Variants in C2CD2L observed in about 807,000 individuals in gnomAD.
C2CD2L encodes phospholipid transfer protein C2CD2L.
C2CD2L carries 24 observed loss-of-function variants against 69.9 expected under a neutral mutation model. The observed-to-expected ratio is 0.34, with a 90% confidence interval of 0.25 to 0.48. C2CD2L has a LOEUF of 0.48. C2CD2L is among the 20% of genes least tolerant of loss of function. The probability of loss-of-function intolerance (pLI) is 0.99; values close to 1 mark genes in which losing one functional copy is unlikely to be tolerated. For synonymous variants in C2CD2L, 367 were observed against 391.0 expected (o/e 0.94, Z 0.72); for missense variants, 811 against 941.5 (o/e 0.86, Z 1.81).
At chr11:119,112,146 A>T (rs1946759482) in intron 7 of C2CD2L, 182 bp from the exon 8 acceptor site, 3 of 601,060 alleles carry the variant, frequency 5.0e-6, no homozygotes. Flanking sequence ...CATGGTTTCC[A>T]CTCAGGCCCT....
Position 119,111,527 on chromosome 11 carries a change from A to C in C2CD2L, c.917A>C (p.Glu306Ala), listed in dbSNP as rs779183220. The C allele has an allele frequency of 1.9e-6, 3 of 1,613,986 alleles. No individual in the cohort carries two copies. Among genetic ancestry groups the C allele is most frequent in the Non-Finnish European group, 2.5e-6 (3 of 1,179,846 alleles). Residue 306 changes from glutamate to alanine, a missense_variant, in exon 7 of 14, where the codon GAG becomes GCG. Transcript: ENST00000648610. ...AACTTCTGGTTCATCACAGGCACCG[A>C]GGAACTGTGCTGTGTAGCTGAACTC... ...SHLGNELEGT[E>A]ELCCVAELDN...
At position 119,111,042 on chromosome 11, in the gene C2CD2L, C is replaced by T. The variant is rs1369825863; in HGVS notation, c.682-10C>T. The T allele has an allele frequency of 6.2e-7, 1 of 1,613,648 alleles. No individual in the cohort carries two copies. The highest frequency in any genetic ancestry group is 1.3e-5 in the African/African-American group (1 of 74,884). Reference sequence around the variant, plus strand: ...TCCACCTCCTTGTTGTTCCCTTCTTCTCTCTGCAGAGAGGTGAAGAACAAG... The same window carrying T: ...TCCACCTCCTTGTTGTTCCCTTCTTTTCTCTGCAGAGAGGTGAAGAACAAG... On this transcript the variant is annotated splice_polypyrimidine_tract_variant and intron_variant, in intron 4 of 13. Transcript: ENST00000648610.
At chr11:119,108,116 G>A (rs767027694) in intron 1 of C2CD2L, 21 bp downstream of exon 1, 2 of 1,532,418 alleles carry the variant, frequency 1.3e-6, no homozygotes, top group Non-Finnish European at 8.9e-7. Flanking sequence ...CCAAGCGCTT[G>A]GGTGGTCCCT....
chr11:119,108,349 G>C, intron 1 of C2CD2L: 1 of 446,876 alleles, frequency 2.2e-6, no homozygotes, highest in Non-Finnish European at 3.9e-6. Context: ...TGTTCTCATA[G>C]CAACGCTAAT....
chr11:119,108,107 C>A lies in C2CD2L; in HGVS notation c.354+12C>A. On this transcript the variant is annotated intron_variant, in intron 1 of 13. Transcript: ENST00000648610. The stretch of plus-strand genomic sequence containing the variant: ...CCTGCAGAAACGGGGTGAGTTGGAC[C>A]AAGCGCTTGGGTGGTCCCTTCAGCC... 1 of 1,564,590 alleles carries A rather than the reference C, an allele frequency of 6.4e-7. No homozygotes were observed. The highest frequency in any genetic ancestry group is 8.7e-7 in the Non-Finnish European group (1 of 1,150,034).
Position 119,114,018 on chromosome 11 carries a change from A to T in C2CD2L, c.1623+30A>T. 6.2e-7 allele frequency: 1 copy of T among 1,613,396 alleles called. No homozygotes were observed. The highest frequency in any genetic ancestry group is 8.5e-7 in the Non-Finnish European group (1 of 1,179,408). On this transcript the variant is annotated intron_variant, in intron 12 of 13. Coordinates refer to ENST00000648610, the MANE Select transcript of C2CD2L (RefSeq NM_001290474.2). The surrounding 1 kb of genome is among the most constrained non-coding windows in gnomAD (Gnocchi z 5.1). ...CAGGGCTCTGGGGAGAGGAGCTGGGATGGGGAGAAAGCCCTAATGGGTCGG... is the reference window on the plus strand; with the variant it reads ...CAGGGCTCTGGGGAGAGGAGCTGGGTTGGGGAGAAAGCCCTAATGGGTCGG...
Position 119,118,535 on chromosome 11 carries a change from TTGG to T in C2CD2L, c.*2280_*2282del, listed in dbSNP as rs1946944861. The T allele has an allele frequency of 6.6e-6, 1 of 152,418 alleles. No homozygotes were observed. The highest frequency in any genetic ancestry group is 1.5e-5 in the Non-Finnish European group (1 of 68,048). The allele number at this position is 152,418 out of a possible 1,614,324, so 9.4% of individuals were successfully genotyped here. On this transcript the variant is annotated 3_prime_UTR_variant, in exon 14 of 14. Transcript: ENST00000648610. ...TGGAATTTAATTTATTAAAGTCAAG[TTGG>T]AGTTTATAAACTGCATTTTCTTTAT...
intron 13 of C2CD2L, 38 bp from the exon 14 acceptor site, chr11:119,116,007 T>G: frequency 2.5e-6 from 4 of 1,572,716 alleles, no homozygotes; most frequent in Non-Finnish European, 2.6e-6. Context: ...CCCCACCCCG[T>G]GCCCCTCTCT....
At position 119,118,458 on chromosome 11, in the gene C2CD2L, G is replaced by GT. The variant is rs145912730; in HGVS notation, c.*2203dup. 6.5e-3 allele frequency: 980 copies of GT among 151,758 alleles called. 12 individuals carry two copies. The highest frequency in any genetic ancestry group is 0.022 in the African/African-American group (915 of 41,418). The allele number at this position is 151,758 out of a possible 1,614,324, so 9.4% of individuals were successfully genotyped here. On this transcript the variant is annotated 3_prime_UTR_variant, in exon 14 of 14. Coordinates refer to ENST00000648610, the MANE Select transcript of C2CD2L (RefSeq NM_001290474.2). ...TTTTATGGCTGAGTAGTATTCCACT[G>GT]TGTGTGTGTGTGTTGGGCGATGATA...
rs1946715750 is a variant in C2CD2L at position 119,110,719 on chromosome 11, G to A, written c.570+39G>A. 6.2e-7 allele frequency: 1 copy of A among 1,612,054 alleles called. No individual in the cohort carries two copies. Among genetic ancestry groups the A allele is most frequent in the Non-Finnish European group, 8.5e-7 (1 of 1,178,556 alleles). ...TGGGAAACTGAGTTGGGCAGGGGCG[G>A]TTCCATTGGCTCAGCTTCTTCCATT... On this transcript the variant is annotated intron_variant, in intron 3 of 13. Coordinates refer to ENST00000648610, the MANE Select transcript of C2CD2L (RefSeq NM_001290474.2). The surrounding 1 kb of genome is among the most constrained non-coding windows in gnomAD (Gnocchi z 5.7).
At chr11:119,115,747 T>A in intron 13 of C2CD2L, 2 of 484,606 alleles carry the variant, frequency 4.1e-6, no homozygotes, top group Non-Finnish European at 7.3e-6. Context: ...GCCAGCTCCG[T>A]GATATCTCTT....
chr11:119,106,055 G>A (rs1373026006), upstream of C2CD2L, among the ~76,000 whole-genome samples: 2 of 152,212 alleles, frequency 1.3e-5, no homozygotes, highest in Non-Finnish European at 2.9e-5. Flanking sequence ...TGGCAGTCCA[G>A]TGACAATGCA....
intron 10 of C2CD2L, 185 bp from the exon 11 acceptor site, chr11:119,113,426 A>G (rs1433799512): frequency 1.2e-6 from 1 of 809,418 alleles, no homozygotes; most frequent in Non-Finnish European, 1.9e-6. Flanking sequence ...ACTTTCCTAC[A>G]CTCCCATTAG....
chr11:119,115,623 G>T (rs1216907601), intron 13 of C2CD2L: 4 of 247,510 alleles, frequency 1.6e-5, no homozygotes, highest in Non-Finnish European at 2.3e-5. Flanking sequence ...CGGTTAACAA[G>T]TCAGTGTCAA....
chr11:119,116,018 G>T, intron 13 of C2CD2L, 27 bp from the exon 14 acceptor site: 1 of 1,603,292 alleles, frequency 6.2e-7, no homozygotes, highest in Non-Finnish European at 8.5e-7. Flanking sequence ...GCCCCTCTCT[G>T]CCTCAGCTTC....
rs1433354117 is a variant in C2CD2L, at chr11:119,110,539, T to C, written c.451-22T>C. The C allele has an allele frequency of 6.2e-7, 1 of 1,601,866 alleles. No homozygotes were observed. On this transcript the variant is annotated intron_variant, in intron 2 of 13. Coordinates refer to ENST00000648610, the MANE Select transcript of C2CD2L (RefSeq NM_001290474.2). This position sits in a 1 kb window ranked among gnomAD's most constrained non-coding sequence, Gnocchi z 5.7. ...AGGGTGAGCACCCTTCCCCCACATC[T>C]GACCCACCTCGCCGGTCTCAGGTGC...
In C2CD2L at chr11:119,113,930, G is replaced by C. The variant is rs750634362; in HGVS notation, c.1565G>C (p.Arg522Pro). Reference sequence around the variant, plus strand: ...CGCCAGCTGACAGAGCCCAGTGGGCGGGTGGCCAAGAAGACACCCACCAAG... The same window carrying C: ...CGCCAGCTGACAGAGCCCAGTGGGCCGGTGGCCAAGAAGACACCCACCAAG... ...AIRQLTEPSG[R>P]VAKKTPTKRS... Residue 522 changes from arginine (R) to proline (P), a missense_variant, in exon 12 of 14, where the codon CGG becomes CCG. Transcript: ENST00000648610. 4 of 1,614,176 alleles carry C rather than the reference G, an allele frequency of 2.5e-6. No homozygotes were observed. The highest frequency in any genetic ancestry group is 3.4e-6 in the Non-Finnish European group (4 of 1,180,032).
chr11:119,111,403 C>T (rs1946739260), intron 6 of C2CD2L, 29 bp downstream of exon 6: 2 of 1,606,894 alleles, frequency 1.2e-6, no homozygotes, highest in Non-Finnish European at 1.7e-6. Context: ...TGCGGGACTG[C>T]CAAGGCTATG....
chr11:119,111,773 A>C (rs1288626671), intron 7 of C2CD2L, 144 bp downstream of exon 7: 1 of 623,622 alleles, frequency 1.6e-6, no homozygotes, highest in Non-Finnish European at 2.8e-6. Flanking sequence ...CGTGGGTCTT[A>C]GGGATACAGA....
Sources: gnomAD v4.1 joint callset for allele counts (sites outside exome capture counted in the v4.1 genomes callset) on GRCh38, gnomAD v4.1.1 for gene constraint, Gnocchi (gnomAD v3.1) non-coding constraint, MANE v1.5 for transcripts, NCBI Gene and HGNC (gene_info 2026-07-23, HGNC 2026-07-21) for gene names.